Variants in ANKRD11 observed in about 807,000 individuals in gnomAD.
ANKRD11 encodes the protein ankyrin repeat domain-containing protein 11.
In ANKRD11, 17 loss-of-function variants were observed where a neutral mutation model predicts 195.7. The observed-to-expected ratio is 0.09, with a 90% CI of 0.06 to 0.13. The LOEUF (loss-of-function observed/expected upper bound fraction) is 0.13. ANKRD11 is among the 10% of genes least tolerant of loss of function. The pLI, the probability that ANKRD11 is intolerant of heterozygous loss-of-function variation, is 1.00. For synonymous variants in ANKRD11, 1,953 were observed against 1,528.1 expected (o/e 1.28, Z -6.49); for missense variants, 3,735 against 3,566.1 (o/e 1.05, Z -1.21).
intron 4 of ANKRD11, among the ~76,000 whole-genome samples, chr16:89,293,693 T>G (rs1422481022): frequency 1.7e-4 from 23 of 134,636 alleles, no homozygotes; most frequent in South Asian, 4.9e-4. Context: ...TGGGGCAGAG[T>G]TGGGGCTGCG....
intron 2 of ANKRD11, among the ~76,000 whole-genome samples, chr16:89,347,121 CGTT>C (rs1567680849): frequency 6.6e-6 from 1 of 152,060 alleles, no homozygotes; most frequent in African/African-American, 2.4e-5. Context: ...AGGTGTCTCT[CGTT>C]GGTCCGGGCA....
At position 89,282,076 on chromosome 16, in the gene ANKRD11, C is replaced by T. The variant is rs2034298228; in HGVS notation, c.4466G>A (p.Arg1489Lys). 6.2e-7 allele frequency: 1 copy of T among 1,613,426 alleles called. No individual in the cohort carries two copies. The highest frequency in any genetic ancestry group is 1.3e-5 in the African/African-American group (1 of 75,010). ...CCTGTGATGCCGCAGGAGCTCGTCC[C>T]TGTGATGCCGCAGCAGCCCATCCGC... ...RHADGLLRHH[R>K]DELLRHHRDE... The change falls in exon 9 of 13, where the codon AGG becomes AAG. Residue 1489 changes from arginine to lysine, a missense_variant. Coordinates refer to ENST00000301030, the MANE Select transcript of ANKRD11 (RefSeq NM_013275.6).
chr16:89,324,901 A>C, intron 2 of ANKRD11: 2 of 217,490 alleles, frequency 9.2e-6, no homozygotes, highest in Non-Finnish European at 9.3e-6. Flanking sequence ...CTCCCAATAA[A>C]CTCCCCTCCA....
chr16:89,305,719 TCCC>T, intron 3 of ANKRD11, among the ~76,000 whole-genome samples: 2 of 93,808 alleles, frequency 2.1e-5, no homozygotes, highest in East Asian at 6.6e-4. Flanking sequence ...ACGCGCCACC[TCCC>T]ACTCCGCAGA....
chr16:89,334,630 C>A (rs1436431274), intron 2 of ANKRD11, among the ~76,000 whole-genome samples: 1 of 152,110 alleles, frequency 6.6e-6, no homozygotes, highest in Non-Finnish European at 1.5e-5. Context: ...CAGAGCCCAG[C>A]GCAGTCTCAG....
intron 3 of ANKRD11, 47 bp downstream of exon 3, chr16:89,316,886 C>G: frequency 6.3e-7 from 1 of 1,593,422 alleles, no homozygotes; most frequent in African/African-American, 1.3e-5. Context: ...CACCTCATCC[C>G]CATCTGGGTG....
chr16:89,363,784 G>A (rs536983398), intron 2 of ANKRD11, among the ~76,000 whole-genome samples: 185 of 152,268 alleles, frequency 1.2e-3, no homozygotes, highest in African/African-American at 4.4e-3. Context: ...AGCCCTATGC[G>A]GTGACTCATG....
At chr16:89,409,142 C>G (rs2042021046) in intron 2 of ANKRD11, among the ~76,000 whole-genome samples, 1 of 152,146 alleles carries the variant, frequency 6.6e-6, no homozygotes. Context: ...CCTCAAAGAG[C>G]AGAAAACAGA....
chr16:89,444,296 C>T (rs1228611922), intron 1 of ANKRD11, among the ~76,000 whole-genome samples: 1 of 152,068 alleles, frequency 6.6e-6, no homozygotes, highest in Non-Finnish European at 1.5e-5. Context: ...CTGCCCAAAG[C>T]CCACTCTAGC....
intron 1 of ANKRD11, among the ~76,000 whole-genome samples, chr16:89,467,427 G>GT (rs1422830887): frequency 6.6e-6 from 1 of 152,228 alleles, no homozygotes; most frequent in Admixed American, 6.5e-5. Flanking sequence ...GGACCACAGA[G>GT]TAAGACCTTG....
chr16:89,474,732 T>C (rs1291321023), intron 1 of ANKRD11, among the ~76,000 whole-genome samples: 1 of 152,168 alleles, frequency 6.6e-6, no homozygotes, highest in East Asian at 1.9e-4. Context: ...GCTTCAATTA[T>C]TTCATACTCA....
intron 2 of ANKRD11, chr16:89,360,646 T>A (rs1325037344): frequency 1.3e-5 from 2 of 152,218 alleles, no homozygotes; most frequent in African/African-American, 4.8e-5. Flanking sequence ...ATTCATGGTA[T>A]GTTCGGAACC....
chr16:89,324,154 A>C (rs2037543954), intron 2 of ANKRD11: 2 of 1,026,982 alleles, frequency 1.9e-6, no homozygotes, highest in South Asian at 3.3e-5. Flanking sequence ...CCCTGTTTCC[A>C]CTCACATTTT....
chr16:89,327,080 T>TGGGAAA (rs1567652859), intron 2 of ANKRD11, among the ~76,000 whole-genome samples: 19 of 142,634 alleles, frequency 1.3e-4, no homozygotes, highest in East Asian at 4.1e-4. Flanking sequence ...AATGCAGAGG[T>TGGGAAA]TGGAAATGCA....
chr16:89,296,858 T>C (rs190993716), intron 4 of ANKRD11, among the ~76,000 whole-genome samples: 1 of 152,260 alleles, frequency 6.6e-6, no homozygotes, highest in African/African-American at 2.4e-5. Context: ...CAAATCCAAA[T>C]GCCAGCCCCA....
rs1053257756 is a variant in ANKRD11 at position 89,280,531 on chromosome 16, G to A, written c.6011C>T (p.Ala2004Val). The A allele has an allele frequency of 6.2e-7, 1 of 1,612,204 alleles. No homozygotes were observed. Among genetic ancestry groups the A allele is most frequent in the Non-Finnish European group, 8.5e-7 (1 of 1,179,652 alleles). Residue 2004 changes from alanine (A) to valine (V), a missense_variant, in exon 9 of 13, where the codon GCC becomes GTC. Ala to Val is a moderately conservative substitution (Grantham distance 64, BLOSUM62 0). Transcript: ENST00000301030. ...FCPADPLHSA[A>V]PGPFSASEAP... is the part of the protein sequence containing the mutation. ...CTCCGAGGCGCTGAAGGGCCCTGGGGCGGCAGAGTGGAGGGGGTCCGCGGG... is the reference window on the plus strand; with the variant it reads ...CTCCGAGGCGCTGAAGGGCCCTGGGACGGCAGAGTGGAGGGGGTCCGCGGG...
At chr16:89,397,743 T>C (rs2041507640) in intron 2 of ANKRD11, among the ~76,000 whole-genome samples, 1 of 152,218 alleles carries the variant, frequency 6.6e-6, no homozygotes, top group Non-Finnish European at 1.5e-5. Context: ...TGCAGAAGCC[T>C]CTCCTCTGAG....
intron 1 of ANKRD11, among the ~76,000 whole-genome samples, chr16:89,456,301 C>A (rs2056431343): frequency 4.0e-5 from 6 of 151,670 alleles, no homozygotes; most frequent in Admixed American, 3.9e-4. Flanking sequence ...GTAATCCCAG[C>A]ACTTCGGGAG....
At chr16:89,485,323 TAA>T (rs397855823) in intron 1 of ANKRD11, among the ~76,000 whole-genome samples, 1,730 of 128,018 alleles carry the variant, frequency 0.014, 18 homozygotes, top group Non-Finnish European at 0.021. Flanking sequence ...ATCTCTACTT[TAA>T]AAAAAAAAAA....
Sources: allele counts gnomAD v4.1 joint callset (sites outside exome capture counted in the v4.1 genomes callset), GRCh38; gene constraint gnomAD v4.1.1; transcripts MANE v1.5; gene names NCBI Gene and HGNC (gene_info 2026-07-23, HGNC 2026-07-21).